VAT1L: variants seen among roughly 807,000 people sequenced by gnomAD.
VAT1L encodes the protein vesicle amine transport 1 like, also known as putative NADPH-dependent quinone oxidoreductase VAT1L.
VAT1L carries 34 observed loss-of-function variants against 44.1 expected under a neutral mutation model. The observed-to-expected ratio is 0.77, with a 90% CI of 0.59 to 1.03. The LOEUF (loss-of-function observed/expected upper bound fraction) is 1.03. VAT1L is among the 50% of genes least tolerant of loss of function. The pLI is 0.00. For missense variants in VAT1L, 615 were observed against 538.8 expected (o/e 1.14, Z -1.40); for synonymous variants, 253 against 202.2 (o/e 1.25, Z -2.13).
chr16:77,889,278 A>G (rs1386289147), intron 7 of VAT1L, among the ~76,000 whole-genome samples: 3 of 152,174 alleles, frequency 2.0e-5, no homozygotes, highest in Non-Finnish European at 4.4e-5. Flanking sequence ...CCTCTTAGCC[A>G]TCTGTCTTTG....
chr16:77,843,321 AG>A (rs142145994), intron 3 of VAT1L, among the ~76,000 whole-genome samples: 299 of 152,198 alleles, frequency 2.0e-3, no homozygotes, highest in African/African-American at 6.9e-3. Context: ...TGGGGCTGGC[AG>A]GGTGGTAAGG....
At chr16:77,927,005 A>T (rs141807666) in intron 7 of VAT1L, among the ~76,000 whole-genome samples, 2 of 152,134 alleles carry the variant, frequency 1.3e-5, no homozygotes, top group Admixed American at 6.5e-5. Context: ...AGAAGACAAC[A>T]TAACAGTCAT....
chr16:77,792,384 G>C (rs760179147), intron 1 of VAT1L, among the ~76,000 whole-genome samples: 10 of 152,146 alleles, frequency 6.6e-5, no homozygotes, highest in Admixed American at 2.0e-4. Context: ...CTTGGAGGCA[G>C]AACCTGACGC....
At position 77,884,191 on chromosome 16, in the gene VAT1L, C is replaced by G. The variant is rs2017184060; in HGVS notation, c.883-417C>G. Among the ~76,000 whole-genome samples, 1 of 152,110 alleles carries G rather than the reference C, an allele frequency of 6.6e-6. No homozygotes were observed. Among genetic ancestry groups the G allele is most frequent in the East Asian group, 1.9e-4 (1 of 5,138 alleles). ...CTTTTAAAAAAAATACACCACTGTC[C>G]AAGGCGGGTGGATCACGAGGTCAGG... is the stretch of plus-strand genomic sequence containing the variant. On this transcript the variant is annotated intron_variant, in intron 6 of 8. Coordinates refer to ENST00000302536, the MANE Select transcript of VAT1L (RefSeq NM_020927.3). This position sits in a 1 kb window ranked among gnomAD's most constrained non-coding sequence, Gnocchi z 4.5.
intron 8 of VAT1L, among the ~76,000 whole-genome samples, chr16:77,972,368 G>C (rs1055081145): frequency 1.3e-5 from 2 of 152,056 alleles, no homozygotes; most frequent in African/African-American, 4.8e-5. Context: ...ACCCAGGCTG[G>C]AGTGCAGTAG....
In VAT1L at chr16:77,870,490, CAA is replaced by C. The variant is rs575336423; in HGVS notation, c.723-5879_723-5878del. On this transcript the variant is annotated intron_variant, in intron 4 of 8. Transcript: ENST00000302536. ...GCCTCTGTTGGAACCTACTGCCACTCAAGAGAAATTCTTCCCTAATCTGTGTG... is the reference window on the plus strand; with the variant it reads ...GCCTCTGTTGGAACCTACTGCCACTCGAGAAATTCTTCCCTAATCTGTGTG... 3.6e-3 allele frequency among the ~76,000 whole-genome samples: 552 copies of C among 152,272 alleles called. 2 individuals carry two copies. Among genetic ancestry groups the C allele is most frequent in the South Asian group, 0.011 (51 of 4,816 alleles).
At chr16:77,891,343 G>C (rs917541185) in intron 7 of VAT1L, among the ~76,000 whole-genome samples, 1 of 152,174 alleles carries the variant, frequency 6.6e-6, no homozygotes, top group African/African-American at 2.4e-5. Flanking sequence ...GACAGAGCAA[G>C]ACTCCGTCTA....
At chr16:77,811,790 T>C (rs932378192) in intron 1 of VAT1L, among the ~76,000 whole-genome samples, 2 of 152,188 alleles carry the variant, frequency 1.3e-5, no homozygotes, top group Non-Finnish European at 2.9e-5. Flanking sequence ...AAAGAAAGTG[T>C]AGAGGCCAAG....
Position 77,971,928 on chromosome 16 carries a change from C to G in VAT1L, c.1156C>G (p.Pro386Ala). 2 of 1,613,568 alleles carry G rather than the reference C, an allele frequency of 1.2e-6. No homozygotes were observed. Among genetic ancestry groups the G allele is most frequent in the South Asian group, 2.2e-5 (2 of 91,000 alleles). The change falls in exon 8 of 9, where the codon CCA becomes GCA. Residue 386 changes from proline to alanine, a missense_variant. Transcript: ENST00000302536. ...TCTGGATGTAGAAAAGACCCCAACT[C>G]CACTGGTGAGTGAAAAGCAGAGGAG... ...LILDVEKTPT[P>A]LMANDSTETS...
intron 7 of VAT1L, among the ~76,000 whole-genome samples, chr16:77,918,864 C>T (rs1174856783): frequency 1.3e-5 from 2 of 152,170 alleles, no homozygotes; most frequent in African/African-American, 4.8e-5. Context: ...AAGATAGGCT[C>T]CCAGTAAATG....
intron 3 of VAT1L, among the ~76,000 whole-genome samples, chr16:77,827,140 A>C (rs1221699219): frequency 6.6e-6 from 1 of 152,232 alleles, no homozygotes; most frequent in Non-Finnish European, 1.5e-5. Flanking sequence ...ATGAATAAAG[A>C]CATATAAAAG....
intron 7 of VAT1L, among the ~76,000 whole-genome samples, chr16:77,920,363 C>G (rs536954997): frequency 1.3e-5 from 2 of 152,048 alleles, no homozygotes; most frequent in African/African-American, 4.8e-5. Context: ...AGCCTGTATC[C>G]CAGCAATGCA....
intron 7 of VAT1L, among the ~76,000 whole-genome samples, chr16:77,945,298 A>ATTTTTTTTTTTTTT (rs1227597683): frequency 2.3e-3 from 7 of 3,006 alleles, no homozygotes; most frequent in Non-Finnish European, 7.3e-3. Context: ...TTTTTTTGAG[A>ATTTTTTTTTTTTTT]GAGAGAAAGA....
chr16:77,968,354 C>T (rs988355930), intron 7 of VAT1L, among the ~76,000 whole-genome samples: 2 of 152,256 alleles, frequency 1.3e-5, no homozygotes, highest in Admixed American at 6.5e-5. Context: ...ATAGCTATGC[C>T]GTAGACAGAG....
At chr16:77,859,617 C>T (rs1260712348) in intron 3 of VAT1L, among the ~76,000 whole-genome samples, 2 of 152,180 alleles carry the variant, frequency 1.3e-5, no homozygotes, top group African/African-American at 2.4e-5. Flanking sequence ...CTTTTGGAAA[C>T]AGCCAGGTCA....
At position 77,884,566 on chromosome 16, in the gene VAT1L, C is replaced by T. The variant is rs761656354; in HGVS notation, c.883-42C>T. 2.7e-5 allele frequency: 43 copies of T among 1,583,982 alleles called. No homozygotes were observed. Among genetic ancestry groups the T allele is most frequent in the East Asian group, 4.5e-5 (2 of 43,964 alleles). ...AATGCTGCCAATGTAGGCTTAACCCCGGTATTGAGTTCCTATAACCCAATA... is the reference window on the plus strand; with the variant it reads ...AATGCTGCCAATGTAGGCTTAACCCTGGTATTGAGTTCCTATAACCCAATA... On this transcript the variant is annotated intron_variant, in intron 6 of 8. Coordinates refer to ENST00000302536, the MANE Select transcript of VAT1L (RefSeq NM_020927.3). The surrounding 1 kb of genome is among the most constrained non-coding windows in gnomAD (Gnocchi z 4.5).
chr16:77,974,894 C>T (rs1422943029), intron 8 of VAT1L, among the ~76,000 whole-genome samples: 1 of 151,808 alleles, frequency 6.6e-6, no homozygotes, highest in African/African-American at 2.4e-5. Context: ...ATCCCTGGGA[C>T]CTAAAGAAAC....
At chr16:77,944,065 G>A (rs964636255) in intron 7 of VAT1L, among the ~76,000 whole-genome samples, 15 of 152,202 alleles carry the variant, frequency 9.9e-5, no homozygotes, top group African/African-American at 3.4e-4. Context: ...TCCTTTGAGG[G>A]GCAGCTGGCA....
rs147836228 is a variant in VAT1L, at chr16:77,933,617, T to C, written c.1078-38233T>C. Among the ~76,000 whole-genome samples, 7 of 152,212 alleles carry C rather than the reference T, an allele frequency of 4.6e-5. No individual in the cohort carries two copies. The East Asian group carries it at 5.8e-4, about 13-fold the overall frequency. ...GGATGGGGAAGGCAGGTATTTTGAA[T>C]AGGGGAGTCAGGCAAAGCCTGAAGA... On this transcript the variant is annotated intron_variant, in intron 7 of 8. Transcript: ENST00000302536.
Sources: allele counts gnomAD v4.1 joint callset (sites outside exome capture counted in the v4.1 genomes callset), GRCh38; gene constraint gnomAD v4.1.1; non-coding constraint Gnocchi (gnomAD v3.1); transcripts MANE v1.5; gene names NCBI Gene and HGNC (gene_info 2026-07-23, HGNC 2026-07-21).